The following HRH1 variants were observed in gnomAD, a reference collection of about 807,000 sequenced individuals.
The protein encoded by HRH1 is histamine H1 receptor.
A neutral mutation model predicts 10.3 loss-of-function variants in HRH1; 6 were observed. The ratio of observed to expected loss-of-function variants is 0.58; its 90% CI spans 0.32 to 1.15. The LOEUF is 1.15. HRH1 is among the 50% of genes most tolerant of loss of function. HRH1 has a pLI of 0.05. For synonymous variants in HRH1, 242 were observed against 236.7 expected (o/e 1.02, Z -0.21); for missense variants, 514 against 615.3 (o/e 0.84, Z 1.74).
intron 1 of HRH1, among the ~76,000 whole-genome samples, chr3:11,200,439 C>G (rs886072743): frequency 1.4e-4 from 21 of 152,206 alleles, no homozygotes; most frequent in African/African-American, 5.1e-4. Flanking sequence ...ATGGGCTCAG[C>G]TCTGCCGTTG....
chr3:11,203,141 C>T (rs953992770), intron 1 of HRH1, among the ~76,000 whole-genome samples: 1 of 152,088 alleles, frequency 6.6e-6, no homozygotes, highest in Non-Finnish European at 1.5e-5. Context: ...CATAGTTTAC[C>T]CATTCACTTA....
At chr3:11,235,114 C>A (rs1265906563) in intron 1 of HRH1, among the ~76,000 whole-genome samples, 1 of 151,630 alleles carries the variant, frequency 6.6e-6, no homozygotes, top group East Asian at 1.9e-4. Flanking sequence ...ACATGGGAGG[C>A]TGAGGCAGGA....
chr3:11,148,180 C>CAAAAAA (rs58792725), intron 1 of HRH1, among the ~76,000 whole-genome samples: 7 of 85,922 alleles, frequency 8.1e-5, no homozygotes, highest in African/African-American at 2.1e-4. Context: ...CTCTGTCAAA[C>CAAAAAA]AAAAAAAAAA....
chr3:11,212,047 C>CAGA lies in HRH1; in HGVS notation c.-35-46951_-35-46949dup, dbSNP rs1340379764. Among the ~76,000 whole-genome samples, 4 of 152,074 alleles carry CAGA rather than the reference C, an allele frequency of 2.6e-5. No homozygotes were observed. The East Asian group carries it at 7.7e-4, about 29-fold the overall frequency. ...GGGCTGGGGGAGGGGGGCAGCCAAT[C>CAGA]AGAAGAATATTTGCTATTGGGATTG... On this transcript the variant is annotated intron_variant, in intron 1 of 1. Coordinates refer to ENST00000431010, the MANE Select transcript of HRH1 (RefSeq NM_001098212.2).
intron 1 of HRH1, among the ~76,000 whole-genome samples, chr3:11,143,489 G>A (rs1936335855): frequency 6.6e-6 from 1 of 152,218 alleles, no homozygotes; most frequent in Non-Finnish European, 1.5e-5. Context: ...ATGGAGCTCT[G>A]ACCCTGGAAG....
chr3:11,242,432 G>A (rs1002230494), intron 1 of HRH1, among the ~76,000 whole-genome samples: 4 of 122,742 alleles, frequency 3.3e-5, no homozygotes, highest in Non-Finnish European at 4.8e-5. Context: ...CAGTAGCCAA[G>A]ATCATGCCAC....
intron 1 of HRH1, among the ~76,000 whole-genome samples, chr3:11,243,239 T>G (rs1036570693): frequency 2.6e-5 from 4 of 152,148 alleles, no homozygotes; most frequent in Non-Finnish European, 5.9e-5. Flanking sequence ...TCAGGGCTCA[T>G]CCAGTAAACC....
At chr3:11,242,122 G>C (rs111704431) in intron 1 of HRH1, among the ~76,000 whole-genome samples, 4,021 of 152,198 alleles carry the variant, frequency 0.026, 172 homozygotes, top group African/African-American at 0.088. Flanking sequence ...GCTGTAGAAG[G>C]TTTCTTCTTT....
At chr3:11,213,133 T>C (rs969363179) in intron 1 of HRH1, among the ~76,000 whole-genome samples, 2 of 152,252 alleles carry the variant, frequency 1.3e-5, no homozygotes, top group African/African-American at 4.8e-5. Context: ...ACAGTATTTA[T>C]TGACTTGTAT....
intron 1 of HRH1, among the ~76,000 whole-genome samples, chr3:11,189,879 A>C (rs2125020826): frequency 6.6e-6 from 1 of 152,156 alleles, no homozygotes; most frequent in African/African-American, 2.4e-5. Context: ...CAACCCAGGA[A>C]ACGAAAGTTG....
intron 1 of HRH1, among the ~76,000 whole-genome samples, chr3:11,210,185 A>C: frequency 6.6e-6 from 1 of 152,018 alleles, no homozygotes; most frequent in East Asian, 1.9e-4. Flanking sequence ...TGAGCCCAGG[A>C]GTTCAGAGCA....
At chr3:11,243,095 G>A (rs546139644) in intron 1 of HRH1, among the ~76,000 whole-genome samples, 1 of 152,276 alleles carries the variant, frequency 6.6e-6, no homozygotes, top group Admixed American at 6.5e-5. Context: ...TGTATTTTTA[G>A]TGGAGACGGG....
At chr3:11,250,034 CTTTTT>C (rs71055856) in intron 1 of HRH1, among the ~76,000 whole-genome samples, 2 of 60,798 alleles carry the variant, frequency 3.3e-5, no homozygotes, top group African/African-American at 6.3e-5. Flanking sequence ...AAGCTTTTCT[CTTTTT>C]TTTTTTTTTT....
intron 1 of HRH1, among the ~76,000 whole-genome samples, chr3:11,155,867 T>G (rs1432940874): frequency 6.6e-6 from 1 of 152,128 alleles, no homozygotes; most frequent in East Asian, 1.9e-4. Flanking sequence ...TTATGCATTA[T>G]CCCATCACAG....
chr3:11,179,599 G>A (rs1370106915), intron 1 of HRH1, among the ~76,000 whole-genome samples: 1 of 149,366 alleles, frequency 6.7e-6, no homozygotes, highest in Non-Finnish European at 1.5e-5. Flanking sequence ...CAGCCTGGGT[G>A]ACAGAGCAAG....
At chr3:11,224,539 A>G (rs1055530846) in intron 1 of HRH1, among the ~76,000 whole-genome samples, 1 of 152,148 alleles carries the variant, frequency 6.6e-6, no homozygotes, top group Non-Finnish European at 1.5e-5. Flanking sequence ...CTACTAAAAA[A>G]TACAAAAAAA....
intron 1 of HRH1, among the ~76,000 whole-genome samples, chr3:11,156,159 G>A (rs1054877285): frequency 6.6e-6 from 1 of 152,222 alleles, no homozygotes; most frequent in African/African-American, 2.4e-5. Flanking sequence ...AAATCCTCGA[G>A]TGTGATTCAG....
At chr3:11,234,048 G>A (rs1939109938) in intron 1 of HRH1, among the ~76,000 whole-genome samples, 1 of 152,062 alleles carries the variant, frequency 6.6e-6, no homozygotes, top group African/African-American at 2.4e-5. Context: ...CACAGGTTTG[G>A]GTAGGACACA....
intron 1 of HRH1, among the ~76,000 whole-genome samples, chr3:11,233,193 G>A (rs1043553928): frequency 9.9e-5 from 15 of 152,096 alleles, no homozygotes; most frequent in African/African-American, 3.6e-4. Context: ...CATTATCATT[G>A]CCACCCTCTT....
Sources: gnomAD v4.1 joint callset for allele counts (sites outside exome capture counted in the v4.1 genomes callset) on GRCh38, gnomAD v4.1.1 for gene constraint, MANE v1.5 for transcripts, NCBI Gene and HGNC (gene_info 2026-07-23, HGNC 2026-07-21) for gene names.